TRDN: variants seen among roughly 807,000 people sequenced by gnomAD.
TRDN encodes the protein triadin, also known as triadin in skeletal muscle.
A neutral mutation model predicts 149.7 loss-of-function variants in TRDN; 161 were observed. The ratio of observed to expected loss-of-function variants is 1.08; its 90% CI spans 0.95 to 1.23. The LOEUF is 1.23. TRDN is among the 50% of genes most tolerant of loss of function. TRDN has a pLI of 0.00. For synonymous variants in TRDN, 294 were observed against 250.5 expected, an observed-to-expected ratio of 1.17 and a Z score of -1.64; for missense variants, 896 against 823.5, an observed-to-expected ratio of 1.09 and a Z score of -1.08.
At chr6:123,524,819 G>A (rs568584096) in intron 5 of TRDN, among the ~76,000 whole-genome samples, 1 of 152,200 alleles carries the variant, frequency 6.6e-6, no homozygotes, top group Non-Finnish European at 1.5e-5. Context: ...TTGCTATGCT[G>A]ATACCTGAAG....
At chr6:123,234,591 AAAAG>A (rs1562222649) in intron 38 of TRDN, among the ~76,000 whole-genome samples, 1 of 152,166 alleles carries the variant, frequency 6.6e-6, no homozygotes, top group African/African-American at 2.4e-5. Flanking sequence ...TTAATTTAGA[AAAAG>A]AAAGGCAATA....
intron 24 of TRDN, among the ~76,000 whole-genome samples, chr6:123,311,487 T>C (rs1579521): frequency 0.18 from 27,447 of 151,890 alleles, 3,370 homozygotes; most frequent in East Asian, 0.6. Context: ...CAGTAAACGG[T>C]TGACTTTTAA....
intron 35 of TRDN, among the ~76,000 whole-genome samples, chr6:123,258,552 G>T (rs1776643387): frequency 6.6e-6 from 1 of 152,106 alleles, no homozygotes; most frequent in South Asian, 2.1e-4. Context: ...TTTTATTGAG[G>T]ATTTTCGCAT....
intron 1 of TRDN, among the ~76,000 whole-genome samples, chr6:123,620,633 T>G (rs1294410563): frequency 6.6e-6 from 1 of 151,966 alleles, no homozygotes; most frequent in Non-Finnish European, 1.5e-5. Flanking sequence ...TGAGGCAGAG[T>G]TAGGCTTTCC....
intron 12 of TRDN, among the ~76,000 whole-genome samples, chr6:123,401,811 G>A (rs967373011): frequency 8.6e-5 from 13 of 152,014 alleles, no homozygotes; most frequent in African/African-American, 2.9e-4. Flanking sequence ...GCTGGGTGTG[G>A]GGGTGCTCAC....
At chr6:123,240,825 G>C (rs1398701393) in intron 38 of TRDN, among the ~76,000 whole-genome samples, 3 of 151,858 alleles carry the variant, frequency 2.0e-5, no homozygotes, top group Non-Finnish European at 4.4e-5. Flanking sequence ...ATATTGATGT[G>C]TCATCATTAA....
At chr6:123,551,223 T>TATATATATATATATATA (rs1311778479) in intron 2 of TRDN, among the ~76,000 whole-genome samples, 25 of 137,446 alleles carry the variant, frequency 1.8e-4, no homozygotes, top group African/African-American at 2.2e-4. Context: ...TATATATATA[T>TATATATATATATATATA]TGCCTGGTTC....
intron 40 of TRDN, among the ~76,000 whole-genome samples, chr6:123,220,818 A>C (rs539307544): frequency 6.6e-6 from 1 of 151,958 alleles, no homozygotes; most frequent in African/African-American, 2.4e-5. Flanking sequence ...CACAAACTTC[A>C]GTTATACCTA....
intron 39 of TRDN, among the ~76,000 whole-genome samples, chr6:123,223,841 T>C (rs1775253033): frequency 6.6e-6 from 1 of 151,658 alleles, no homozygotes; most frequent in Non-Finnish European, 1.5e-5. Context: ...TTCCTGTAGA[T>C]TGGCAAATAA....
intron 4 of TRDN, among the ~76,000 whole-genome samples, chr6:123,544,704 C>T (rs1325445630): frequency 6.6e-6 from 1 of 151,844 alleles, no homozygotes; most frequent in Non-Finnish European, 1.5e-5. Flanking sequence ...AGATTCAGTG[C>T]CTTGGGGTCT....
intron 10 of TRDN, among the ~76,000 whole-genome samples, chr6:123,453,673 C>G (rs1775925716): frequency 6.6e-6 from 1 of 152,114 alleles, no homozygotes; most frequent in Admixed American, 6.6e-5. Flanking sequence ...TAAACTAGTA[C>G]AGCCACTATG....
chr6:123,390,645 G>A (rs1024592072), intron 13 of TRDN, among the ~76,000 whole-genome samples: 2 of 152,164 alleles, frequency 1.3e-5, no homozygotes, highest in Admixed American at 6.5e-5. Context: ...CCAGGGTCTC[G>A]GGATTCAATT....
At position 123,218,656 on chromosome 6, in the gene TRDN, G is replaced by A. The variant is rs761888858; in HGVS notation, c.2135C>T (p.Pro712Leu). The change falls in exon 41 of 41, where the codon CCT (proline) becomes CTT (leucine). Residue 712 changes from proline (P) to leucine (L), a missense_variant. By Grantham distance (98) the Pro-to-Leu change is moderately conservative (BLOSUM62 -3). Coordinates refer to ENST00000334268, the MANE Select transcript of TRDN (RefSeq NM_006073.4). ...ATTTGCTTGACCAGAGCTCTCTCCAGGGCGGTCTGCAGGAGTGAAAGGAAA... is the reference window on the plus strand; with the variant it reads ...ATTTGCTTGACCAGAGCTCTCTCCAAGGCGGTCTGCAGGAGTGAAAGGAAA... ...FQFPFTPADR[P>L]GESSGQANSP... 3.7e-5 allele frequency: 59 copies of A among 1,610,796 alleles called. No homozygotes were observed. Among genetic ancestry groups the A allele is most frequent in the South Asian group, 5.5e-5 (5 of 90,764 alleles).
chr6:123,603,310 T>A (rs1036239421), intron 1 of TRDN, among the ~76,000 whole-genome samples: 1 of 152,070 alleles, frequency 6.6e-6, no homozygotes, highest in African/African-American at 2.4e-5. Context: ...GCATATCTTA[T>A]CCTTTACTGA....
intron 5 of TRDN, among the ~76,000 whole-genome samples, chr6:123,516,932 C>T (rs1779438217): frequency 6.6e-6 from 1 of 152,064 alleles, no homozygotes; most frequent in East Asian, 1.9e-4. Context: ...TGATATTCCT[C>T]TTCCTCATTT....
At chr6:123,340,770 G>C (rs9490736) in intron 21 of TRDN, among the ~76,000 whole-genome samples, 2 of 151,834 alleles carry the variant, frequency 1.3e-5, no homozygotes, top group Non-Finnish European at 2.9e-5. Context: ...GAACCACCTG[G>C]CAAGCTTTAT....
intron 24 of TRDN, among the ~76,000 whole-genome samples, chr6:123,306,978 A>G (rs1042759928): frequency 3.9e-5 from 6 of 152,230 alleles, no homozygotes; most frequent in Admixed American, 3.3e-4. Context: ...ATTTAAAAGC[A>G]TAGTCATTTT....
At chr6:123,428,741 C>T (rs1010733456) in intron 12 of TRDN, among the ~76,000 whole-genome samples, 1 of 152,080 alleles carries the variant, frequency 6.6e-6, no homozygotes, top group African/African-American at 2.4e-5. Context: ...ACTCACCTAC[C>T]ACAAAAGAGA....
chr6:123,375,664 TA>T lies in TRDN; in HGVS notation c.1247-34del, dbSNP rs750867152. 1.2e-3 allele frequency: 1,757 copies of T among 1,473,838 alleles called. 2 individuals carry two copies. Among genetic ancestry groups the T allele is most frequent in the Non-Finnish European group, 1.5e-3 (1,608 of 1,094,008 alleles). The allele number at this position is 1,473,838 out of a possible 1,614,324, so 91.3% of individuals were successfully genotyped here. A position where few individuals can be genotyped will look rare whatever the true frequency, so the allele number is the denominator to read the frequency against. ...TGACAAGAAATAATAAGGTCAACAG[TA>T]ATTACAAATCTGCTTATCTCTTTCC... On this transcript the variant is annotated intron_variant, in intron 18 of 40. Coordinates refer to ENST00000334268, the MANE Select transcript of TRDN (RefSeq NM_006073.4).
Sources: allele counts gnomAD v4.1 joint callset (sites outside exome capture counted in the v4.1 genomes callset), GRCh38; gene constraint gnomAD v4.1.1; transcripts MANE v1.5; gene names NCBI Gene and HGNC (gene_info 2026-07-23, HGNC 2026-07-21).